Variants in MAPK10 observed in about 807,000 individuals in gnomAD.
The protein encoded by MAPK10 is mitogen-activated protein kinase 10, also known as JNK3 alpha protein kinase.
In MAPK10, 25 loss-of-function variants were observed where a neutral mutation model predicts 59.3. The ratio of observed to expected loss-of-function variants is 0.42; its 90% CI spans 0.31 to 0.59. MAPK10 has a LOEUF of 0.59. Ranked by LOEUF, MAPK10 falls within the 20% of genes least tolerant of loss-of-function variation. MAPK10 has a pLI of 0.15. For synonymous variants in MAPK10, 190 were observed against 200.5 expected (o/e 0.95, Z 0.44); for missense variants, 351 against 568.9 (o/e 0.62, Z 3.90).
In MAPK10 at chr4:86,198,080, G is replaced by A. The variant is rs145159197; in HGVS notation, c.-6-3673C>T. Among the ~76,000 whole-genome samples, 12 of 152,206 alleles carry A rather than the reference G, an allele frequency of 7.9e-5. No individual in the cohort carries two copies. The East Asian group carries it at 2.3e-3, about 29-fold the overall frequency. ...ATGGGGAGAAACTAGATTCCTGTTG[G>A]AAGGCAATTCTCTATGGCCCTCTCA... On this transcript the variant is annotated intron_variant, in intron 2 of 13. Coordinates refer to ENST00000641462, the MANE Select transcript of MAPK10 (RefSeq NM_138982.4).
At chr4:86,437,942 T>C (rs2149045567) in intron 1 of MAPK10, among the ~76,000 whole-genome samples, 1 of 152,354 alleles carries the variant, frequency 6.6e-6, no homozygotes, top group African/African-American at 2.4e-5. Flanking sequence ...CTATACACAC[T>C]ATCATGATTT....
At chr4:86,482,802 G>C (rs546622253) in intron 1 of MAPK10, among the ~76,000 whole-genome samples, 1 of 152,238 alleles carries the variant, frequency 6.6e-6, no homozygotes, top group Non-Finnish European at 1.5e-5. Context: ...TCTAGGTTAT[G>C]GCTAATGAAA....
chr4:86,274,286 C>A lies in MAPK10; in HGVS notation c.-6-79879G>T, dbSNP rs545857085. Among the ~76,000 whole-genome samples, 8 of 151,990 alleles carry A rather than the reference C, an allele frequency of 5.3e-5. No homozygotes were observed. In the East Asian group the frequency reaches 1.5e-3, roughly 29 times the overall value. On this transcript the variant is annotated intron_variant, in intron 2 of 13. Transcript: ENST00000641462. Reference sequence around the variant, plus strand: ...TTCTAAAGTATTTCAGAATAAGGAGCTAATTTATCATTTGTGTGAGTTTTT... The same window carrying A: ...TTCTAAAGTATTTCAGAATAAGGAGATAATTTATCATTTGTGTGAGTTTTT...
intron 1 of MAPK10, among the ~76,000 whole-genome samples, chr4:86,571,330 G>A (rs1224568028): frequency 3.3e-4 from 24 of 71,880 alleles, no homozygotes; most frequent in Non-Finnish European, 5.5e-4. Context: ...ATATATACGT[G>A]TGTGTGTGTG....
intron 3 of MAPK10, among the ~76,000 whole-genome samples, chr4:86,174,936 C>T (rs188352236): frequency 1.8e-4 from 28 of 152,174 alleles, no homozygotes; most frequent in Non-Finnish European, 4.0e-4. Context: ...GAGGATCAAA[C>T]TTTTTCAAGT....
At chr4:86,108,356 T>C (rs1022267989) in intron 4 of MAPK10, among the ~76,000 whole-genome samples, 1 of 152,150 alleles carries the variant, frequency 6.6e-6, no homozygotes, top group Non-Finnish European at 1.5e-5. Context: ...TCCCTGAAAC[T>C]TTGAGTCCTG....
chr4:86,044,323 C>T (rs1224020257), intron 11 of MAPK10, among the ~76,000 whole-genome samples: 1 of 152,124 alleles, frequency 6.6e-6, no homozygotes, highest in African/African-American at 2.4e-5. Context: ...TTTAAAAATA[C>T]TGCTGCCTAG....
intron 13 of MAPK10, chr4:86,025,451 T>C (rs1749700736): frequency 2.5e-6 from 1 of 398,240 alleles, no homozygotes; most frequent in Non-Finnish European, 4.4e-6. Flanking sequence ...ACATGGGCCT[T>C]GGCTTTAAGT....
chr4:86,583,275 G>A (rs779410278), intron 1 of MAPK10, among the ~76,000 whole-genome samples: 10 of 151,784 alleles, frequency 6.6e-5, no homozygotes, highest in Non-Finnish European at 1.2e-4. Flanking sequence ...TGCCCGCCTC[G>A]GCCTCCCAAA....
intron 4 of MAPK10, among the ~76,000 whole-genome samples, chr4:86,144,403 A>ACT (rs2064360203): frequency 6.6e-6 from 1 of 152,126 alleles, no homozygotes; most frequent in South Asian, 2.1e-4. Context: ...GGGCTCTTTG[A>ACT]GCAGATAAAG....
chr4:86,259,271 A>T (rs1169893989), intron 2 of MAPK10, among the ~76,000 whole-genome samples: 1 of 152,152 alleles, frequency 6.6e-6, no homozygotes, highest in Non-Finnish European at 1.5e-5. Context: ...CTATATTTCC[A>T]TTCCAAATCT....
intron 1 of MAPK10, among the ~76,000 whole-genome samples, chr4:86,496,877 C>G (rs568427981): frequency 1.3e-5 from 2 of 152,264 alleles, no homozygotes; most frequent in East Asian, 3.9e-4. Flanking sequence ...TATAGATAAT[C>G]CAGATAATCC....
intron 1 of MAPK10, among the ~76,000 whole-genome samples, chr4:86,472,190 A>C (rs761121676): frequency 2.6e-5 from 4 of 152,192 alleles, no homozygotes; most frequent in Non-Finnish European, 5.9e-5. Context: ...TTGATAATAA[A>C]ATTTTATTTT....
chr4:86,431,962 TGGACAGCGG>T (rs1564856752), intron 1 of MAPK10, among the ~76,000 whole-genome samples: 1 of 152,210 alleles, frequency 6.6e-6, no homozygotes, highest in Non-Finnish European at 1.5e-5. Context: ...AACCACTTCA[TGGACAGCGG>T]TCTTTTATTA....
chr4:86,517,206 C>T (rs545028790), intron 1 of MAPK10, among the ~76,000 whole-genome samples: 1 of 148,444 alleles, frequency 6.7e-6, no homozygotes, highest in Non-Finnish European at 1.5e-5. Context: ...TGTGGTGTAT[C>T]ATATTTATTG....
chr4:86,024,919 T>C (rs1749412317), intron 13 of MAPK10: 1 of 152,222 alleles, frequency 6.6e-6, no homozygotes, highest in Non-Finnish European at 1.5e-5. Context: ...GCTGTATTTC[T>C]AGGGATCCAT....
chr4:86,515,450 C>A (rs536491902), intron 1 of MAPK10, among the ~76,000 whole-genome samples: 240 of 152,282 alleles, frequency 1.6e-3, no homozygotes, highest in Non-Finnish European at 1.6e-3. Flanking sequence ...ACATTCCCAC[C>A]ATCAGTGTAA....
At chr4:86,421,612 G>T (rs1024624825) in intron 1 of MAPK10, among the ~76,000 whole-genome samples, 1 of 152,106 alleles carries the variant, frequency 6.6e-6, no homozygotes, top group African/African-American at 2.4e-5. Flanking sequence ...GAAGAAGGAG[G>T]CTGCTCCAGG....
chr4:86,421,006 C>T (rs748759181), intron 1 of MAPK10, among the ~76,000 whole-genome samples: 4 of 150,896 alleles, frequency 2.7e-5, no homozygotes, highest in African/African-American at 7.3e-5. Context: ...CGCTTGAACC[C>T]GGGAGGCAGA....
Sources: allele counts gnomAD v4.1 joint callset (sites outside exome capture counted in the v4.1 genomes callset), GRCh38; gene constraint gnomAD v4.1.1; transcripts MANE v1.5; gene names NCBI Gene and HGNC (gene_info 2026-07-23, HGNC 2026-07-21).